The following ANO2 variants were observed in gnomAD, a reference collection of about 807,000 sequenced individuals.
The protein encoded by ANO2 is anoctamin-2.
Under a neutral mutation model 124.2 loss-of-function variants are expected in ANO2, and 101 were observed. The ratio of observed to expected loss-of-function variants is 0.81; its 90% CI spans 0.69 to 0.96. The LOEUF (loss-of-function observed/expected upper bound fraction) is 0.96. ANO2 is among the 40% of genes least tolerant of loss of function. The probability of loss-of-function intolerance (pLI) is 0.00; values close to 1 mark genes in which losing one functional copy is unlikely to be tolerated. For missense variants in ANO2, 1,293 were observed against 1,274.5 expected (o/e 1.01, Z -0.22); for synonymous variants, 486 against 482.5 (o/e 1.01, Z -0.09).
At chr12:5,891,513 G>A (rs979805627) in intron 3 of ANO2, among the ~76,000 whole-genome samples, 2 of 152,160 alleles carry the variant, frequency 1.3e-5, no homozygotes, top group Middle Eastern at 3.2e-3. Flanking sequence ...CAGGGGACAG[G>A]AAGGTTCTGC....
At chr12:5,703,189 C>A (rs906975850) in intron 14 of ANO2, among the ~76,000 whole-genome samples, 1 of 152,042 alleles carries the variant, frequency 6.6e-6, no homozygotes, top group African/African-American at 2.4e-5. Flanking sequence ...CTACATATAT[C>A]AAAGTGGATA....
At position 5,908,863 on chromosome 12, in the gene ANO2, T is replaced by C. The variant is rs140426141; in HGVS notation, c.534+12177A>G. 3.7e-3 allele frequency among the ~76,000 whole-genome samples: 561 copies of C among 152,170 alleles called. 4 individuals carry two copies. The highest frequency in any genetic ancestry group is 0.013 in the African/African-American group (547 of 41,534). The stretch of plus-strand genomic sequence containing the variant: ...GGCAGGGAATAAGTGGGGTGCACCA[T>C]TGCTTGTATTGGTGCCTGAATGTAA... On this transcript the variant is annotated intron_variant, in intron 3 of 24. Transcript: ENST00000682330. This position sits in a 1 kb window ranked among gnomAD's most constrained non-coding sequence, Gnocchi z 4.7.
chr12:5,915,009 C>T (rs1262568736), intron 3 of ANO2, among the ~76,000 whole-genome samples: 1 of 152,168 alleles, frequency 6.6e-6, no homozygotes, highest in Non-Finnish European at 1.5e-5. Flanking sequence ...CTGTTCAGCT[C>T]ACCCACTCGC....
intron 12 of ANO2, among the ~76,000 whole-genome samples, chr12:5,742,219 C>A (rs1242310775): frequency 1.3e-5 from 2 of 152,148 alleles, no homozygotes. Flanking sequence ...GGGCCCTGAA[C>A]CAGGCCCACC....
rs914814373 is a variant in ANO2, at chr12:5,900,893, G to A, written c.534+20147C>T. 6.6e-6 allele frequency among the ~76,000 whole-genome samples: 1 copy of A among 152,210 alleles called. No homozygotes were observed. Among genetic ancestry groups the A allele is most frequent in the Non-Finnish European group, 1.5e-5 (1 of 68,042 alleles). ...GACTCAGAGAAAGCCCAACAGCTGG[G>A]ACAGGTCTCAGTCTAGGTCATTCCC... On this transcript the variant is annotated intron_variant, in intron 3 of 24. Coordinates refer to ENST00000682330, the MANE Select transcript of ANO2 (RefSeq NM_001364791.2). The surrounding 1 kb of genome is among the most constrained non-coding windows in gnomAD (Gnocchi z 4.2).
At chr12:5,730,403 A>C (rs961589172) in intron 14 of ANO2, among the ~76,000 whole-genome samples, 3 of 152,120 alleles carry the variant, frequency 2.0e-5, no homozygotes, top group Non-Finnish European at 2.9e-5. Context: ...TTCGCGCACC[A>C]CTCTGGGCCT....
At chr12:5,604,517 GA>G (rs2136890863) in intron 19 of ANO2, among the ~76,000 whole-genome samples, 2 of 152,252 alleles carry the variant, frequency 1.3e-5, no homozygotes, top group South Asian at 4.1e-4. Flanking sequence ...GGGATAGAGG[GA>G]AAGGAGCCTT....
At chr12:5,873,196 G>GCTCTCT (rs57038931) in intron 3 of ANO2, among the ~76,000 whole-genome samples, 4,290 of 118,428 alleles carry the variant, frequency 0.036, 223 homozygotes, top group Non-Finnish European at 0.05. Flanking sequence ...GCCTAAAGCA[G>GCTCTCT]CTCTCTCTCT....
chr12:5,601,914 C>A (rs987756373), intron 19 of ANO2, among the ~76,000 whole-genome samples: 4 of 152,158 alleles, frequency 2.6e-5, no homozygotes, highest in African/African-American at 9.7e-5. Flanking sequence ...TAGAGAGAAA[C>A]AAGCCAACTC....
intron 11 of ANO2, among the ~76,000 whole-genome samples, chr12:5,745,122 C>T (rs1039909027): frequency 1.3e-5 from 2 of 152,154 alleles, no homozygotes; most frequent in African/African-American, 2.4e-5. Flanking sequence ...TCCATTCATT[C>T]GTTAGCTGAC....
chr12:5,608,276 AT>A (rs1173667835), intron 19 of ANO2, among the ~76,000 whole-genome samples: 1 of 150,960 alleles, frequency 6.6e-6, no homozygotes, highest in Non-Finnish European at 1.5e-5. Context: ...AGATCCAGTA[AT>A]CATAATCATA....
chr12:5,610,699 T>C (rs2136902052), intron 19 of ANO2, among the ~76,000 whole-genome samples: 1 of 131,152 alleles, frequency 7.6e-6, no homozygotes, highest in Non-Finnish European at 1.6e-5. Flanking sequence ...CAAGGGCAAA[T>C]ACATGTATGT....
chr12:5,699,930 A>G (rs1343015277), intron 14 of ANO2, among the ~76,000 whole-genome samples: 1 of 152,248 alleles, frequency 6.6e-6, no homozygotes, highest in African/African-American at 2.4e-5. Context: ...GAGCACTCAG[A>G]TTCATAAAGC....
Position 5,578,001 on chromosome 12 carries a change from C to G in ANO2, c.2393G>C (p.Trp798Ser). ...DAVRTKDIGI[W>S]FDILSGIGKF... is the part of the protein sequence containing the mutation. ...GCCAATTCCAGAGAGAATGTCAAAC[C>G]AGATTCCTACAAGACAGAAAAGACA... The change falls in exon 22 of 25, where the codon TGG becomes TCG. Residue 798 changes from tryptophan (W) to serine (S), a missense_variant. By Grantham distance (177) the Trp-to-Ser change is radical. Coordinates refer to ENST00000682330, the MANE Select transcript of ANO2 (RefSeq NM_001364791.2). The G allele has an allele frequency of 3.1e-6, 5 of 1,613,684 alleles. No individual in the cohort carries two copies. Among genetic ancestry groups the G allele is most frequent in the Non-Finnish European group, 3.4e-6 (4 of 1,179,732 alleles).
At chr12:5,610,733 T>C (rs748431901) in intron 19 of ANO2, among the ~76,000 whole-genome samples, 1,723 of 140,490 alleles carry the variant, frequency 0.012, 56 homozygotes, top group Non-Finnish European at 0.021. Context: ...CATATATATA[T>C]ATATATATAT....
chr12:5,834,135 G>A (rs1289875354), intron 4 of ANO2, among the ~76,000 whole-genome samples: 4 of 152,182 alleles, frequency 2.6e-5, no homozygotes, highest in South Asian at 2.1e-4. Flanking sequence ...ACCACATGAA[G>A]CAGAATAATC....
intron 14 of ANO2, among the ~76,000 whole-genome samples, chr12:5,698,640 A>G (rs980297371): frequency 6.6e-6 from 1 of 152,172 alleles, no homozygotes; most frequent in African/African-American, 2.4e-5. Context: ...AGACAATCAA[A>G]TTTCTCCGAG....
At chr12:5,611,492 G>C (rs1006830613) in intron 19 of ANO2, among the ~76,000 whole-genome samples, 4 of 152,152 alleles carry the variant, frequency 2.6e-5, no homozygotes, top group African/African-American at 9.7e-5. Flanking sequence ...GGTGTCCCCT[G>C]CAAGTCCCCC....
chr12:5,617,496 C>A (rs1005961839), intron 16 of ANO2, among the ~76,000 whole-genome samples: 1 of 148,144 alleles, frequency 6.8e-6, no homozygotes, highest in African/African-American at 2.5e-5. Context: ...CCGCACTCTC[C>A]AGATAACACT....
Sources: gnomAD v4.1 joint callset for allele counts (sites outside exome capture counted in the v4.1 genomes callset) on GRCh38, gnomAD v4.1.1 for gene constraint, Gnocchi (gnomAD v3.1) non-coding constraint, MANE v1.5 for transcripts, NCBI Gene and HGNC (gene_info 2026-07-23, HGNC 2026-07-21) for gene names.